The following MRTFA variants were observed in gnomAD, a reference collection of about 807,000 sequenced individuals.
MRTFA encodes the protein myocardin related transcription factor A, also known as myocardin-related transcription factor A.
A neutral mutation model predicts 83.5 loss-of-function variants in MRTFA; 20 were observed. The ratio of observed to expected loss-of-function variants is 0.24; its 90% CI spans 0.17 to 0.35. The LOEUF is 0.35. Among genes scored for constraint, MRTFA ranks in the 10% least tolerant of loss-of-function variants. The pLI is 1.00. For synonymous variants in MRTFA, 659 were observed against 541.2 expected, an observed-to-expected ratio of 1.22 and a Z score of -3.02; for missense variants, 1,200 against 1,224.7, an observed-to-expected ratio of 0.98 and a Z score of 0.30.
chr22:40,432,274 C>A (rs187544572), intron 5 of MRTFA, among the ~76,000 whole-genome samples: 7 of 150,396 alleles, frequency 4.7e-5, no homozygotes, highest in African/African-American at 7.3e-5. Flanking sequence ...AACCAAAAAC[C>A]AAAAAAAAAC....
intron 3 of MRTFA, among the ~76,000 whole-genome samples, chr22:40,543,330 G>A (rs973719176): frequency 1.6e-4 from 24 of 152,114 alleles, no homozygotes; most frequent in Admixed American, 1.4e-3. Flanking sequence ...GATACAGTTC[G>A]TACCCTTACA....
intron 4 of MRTFA, among the ~76,000 whole-genome samples, chr22:40,449,944 T>G (rs1167295087): frequency 6.6e-6 from 1 of 152,156 alleles, no homozygotes; most frequent in Non-Finnish European, 1.5e-5. Flanking sequence ...GCTACAGAAA[T>G]GTAGTCCTTG....
At chr22:40,509,472 G>C (rs748801237) in intron 3 of MRTFA, among the ~76,000 whole-genome samples, 2 of 152,202 alleles carry the variant, frequency 1.3e-5, no homozygotes, top group Non-Finnish European at 2.9e-5. Context: ...AGCCGAAAGA[G>C]GTTTGCCTCA....
chr22:40,585,468 A>T (rs935413425), intron 2 of MRTFA, among the ~76,000 whole-genome samples: 69 of 152,268 alleles, frequency 4.5e-4, no homozygotes, highest in African/African-American at 1.6e-3. Context: ...TCACAAGCTG[A>T]AAAGAGTTCT....
chr22:40,453,371 G>A (rs956719953), intron 4 of MRTFA, among the ~76,000 whole-genome samples: 4 of 151,898 alleles, frequency 2.6e-5, no homozygotes, highest in East Asian at 1.9e-4. Context: ...GAGCTCTGAC[G>A]GAAGCGGGAG....
intron 1 of MRTFA, among the ~76,000 whole-genome samples, chr22:40,617,163 AGGG>A (rs2056459368): frequency 8.8e-5 from 7 of 79,124 alleles, no homozygotes; most frequent in East Asian, 6.1e-4. Flanking sequence ...GGAAGGAAGG[AGGG>A]AAGGAGGGAA....
chr22:40,477,873 T>G (rs561970154), intron 3 of MRTFA, among the ~76,000 whole-genome samples: 2 of 152,030 alleles, frequency 1.3e-5, no homozygotes, highest in South Asian at 4.1e-4. Context: ...GGAACTATTT[T>G]TCTTTGGAAG....
At chr22:40,608,914 C>T (rs2056351368) in intron 1 of MRTFA, among the ~76,000 whole-genome samples, 1 of 152,106 alleles carries the variant, frequency 6.6e-6, no homozygotes, top group South Asian at 2.1e-4. Flanking sequence ...CCACATCGCA[C>T]CCATTAGAAT....
At position 40,507,688 on chromosome 22, in the gene MRTFA, C is replaced by T. The variant is rs376238176; in HGVS notation, c.242-44402G>A. On this transcript the variant is annotated intron_variant, in intron 3 of 14. Transcript: ENST00000355630. Reference sequence around the variant, plus strand: ...CAAGGACTAAAGAAGTTGATTTAGGCCAGATGCAGTTGCTCACGCTTGTAA... The same window carrying T: ...CAAGGACTAAAGAAGTTGATTTAGGTCAGATGCAGTTGCTCACGCTTGTAA... Among the ~76,000 whole-genome samples, 4 of 152,032 alleles carry T rather than the reference C, an allele frequency of 2.6e-5. No homozygotes were observed. In the East Asian group the frequency reaches 7.7e-4, roughly 29 times the overall value.
intron 1 of MRTFA, among the ~76,000 whole-genome samples, chr22:40,596,006 C>G (rs535497912): frequency 6.6e-6 from 1 of 150,662 alleles, no homozygotes; most frequent in Admixed American, 6.7e-5. Context: ...TGAAGCCTTT[C>G]ATAATCTGAT....
intron 3 of MRTFA, among the ~76,000 whole-genome samples, chr22:40,538,928 G>A (rs1399951821): frequency 6.8e-6 from 1 of 148,064 alleles, no homozygotes. Flanking sequence ...AATTTGATAT[G>A]ATCTACAGTC....
intron 2 of MRTFA, among the ~76,000 whole-genome samples, chr22:40,588,263 G>C (rs922052004): frequency 1.3e-5 from 2 of 152,134 alleles, no homozygotes; most frequent in Non-Finnish European, 2.9e-5. Flanking sequence ...TCCTGACCTT[G>C]TGATCCACCT....
chr22:40,441,611 C>T (rs1219050855), intron 4 of MRTFA, among the ~76,000 whole-genome samples: 1 of 151,960 alleles, frequency 6.6e-6, no homozygotes, highest in East Asian at 1.9e-4. Context: ...ATGGTGAAAC[C>T]ACCCCCCACT....
At chr22:40,625,181 G>T (rs2056567053) in intron 1 of MRTFA, among the ~76,000 whole-genome samples, 1 of 152,016 alleles carries the variant, frequency 6.6e-6, no homozygotes, top group Non-Finnish European at 1.5e-5. Flanking sequence ...ATAGTTCAAT[G>T]AATCTATAAA....
At chr22:40,613,614 G>C (rs2056412568) in intron 1 of MRTFA, among the ~76,000 whole-genome samples, 1 of 151,926 alleles carries the variant, frequency 6.6e-6, no homozygotes, top group African/African-American at 2.4e-5. Flanking sequence ...CCAACACTTT[G>C]GGATACTAAG....
chr22:40,430,505 A>G (rs1379990529), intron 6 of MRTFA, among the ~76,000 whole-genome samples: 1 of 151,972 alleles, frequency 6.6e-6, no homozygotes, highest in Non-Finnish European at 1.5e-5. Flanking sequence ...AAGACTAGAC[A>G]AACAATAAGT....
chr22:40,420,882 G>GTGCTGC lies in MRTFA; in HGVS notation c.1140_1145dup (p.Gln380_Gln381dup), dbSNP rs751939334. Reference sequence around the variant, plus strand: ...CAGGCAGGATGGCCTGGTAGTTGTGGTGCTGCTGCTGCTGCTGGTTGAGGA... The same window carrying GTGCTGC: ...CAGGCAGGATGGCCTGGTAGTTGTGGTGCTGCTGCTGCTGCTGCTGCTGGTTGAGGA... On this transcript the variant is annotated inframe_insertion, in exon 10 of 15. Transcript: ENST00000355630. 3.1e-6 allele frequency: 5 copies of GTGCTGC among 1,613,804 alleles called. No homozygotes were observed. The highest frequency in any genetic ancestry group is 4.2e-6 in the Non-Finnish European group (5 of 1,179,846).
rs571251646 is a variant in MRTFA, at chr22:40,420,302, G to A, written c.1353+103C>T. 3.8e-6 allele frequency: 5 copies of A among 1,325,346 alleles called. No individual in the cohort carries two copies. In the East Asian group the frequency reaches 1.2e-4, roughly 31 times the overall value. 82.1% of individuals were successfully genotyped at this position (1,325,346 alleles called of 1,614,324 possible). A position where few individuals can be genotyped will look rare whatever the true frequency, so the allele number is the denominator to read the frequency against. ...CCCTGCTCTGCTTTCCATGACGGTG[G>A]GTCCTAGGCTGGCTGCCTTCCCTGC... On this transcript the variant is annotated intron_variant, in intron 11 of 14. Transcript: ENST00000355630.
Position 40,431,216 on chromosome 22 carries a change from G to A in MRTFA, c.439+189C>T, listed in dbSNP as rs182670425. 9.1e-4 allele frequency among the ~76,000 whole-genome samples: 138 copies of A among 152,322 alleles called. 1 individual carries two copies. The Middle Eastern group carries it at 0.02, about 23-fold the overall frequency. On this transcript the variant is annotated intron_variant, in intron 6 of 14. Coordinates refer to ENST00000355630, the MANE Select transcript of MRTFA (RefSeq NM_020831.6). ...AGCCAAACTAACAGCATGTGACTGTGCTTTTTGAGAGTCCCTCAGACCAGT... is the reference window on the plus strand; with the variant it reads ...AGCCAAACTAACAGCATGTGACTGTACTTTTTGAGAGTCCCTCAGACCAGT...
Sources: allele counts gnomAD v4.1 joint callset (sites outside exome capture counted in the v4.1 genomes callset), GRCh38; gene constraint gnomAD v4.1.1; transcripts MANE v1.5; gene names NCBI Gene and HGNC (gene_info 2026-07-23, HGNC 2026-07-21).